Variants in PITPNC1 observed in about 807,000 individuals in gnomAD.
PITPNC1 encodes the protein cytoplasmic phosphatidylinositol transfer protein 1.
Under a neutral mutation model 44.7 loss-of-function variants are expected in PITPNC1, and 18 were observed. That is an observed-to-expected ratio of 0.40 (90% CI 0.28 to 0.60). The LOEUF is 0.60. Ranked by LOEUF, PITPNC1 falls within the 20% of genes least tolerant of loss-of-function variation. The pLI is 0.39. For missense variants in PITPNC1, 290 were observed against 418.4 expected (o/e 0.69, Z 2.68); for synonymous variants, 141 against 149.6 (o/e 0.94, Z 0.42).
At chr17:67,537,500 A>G (rs1315559231) in intron 2 of PITPNC1, among the ~76,000 whole-genome samples, 1 of 152,242 alleles carries the variant, frequency 6.6e-6, no homozygotes, top group Non-Finnish European at 1.5e-5. Flanking sequence ...TAAGATATAC[A>G]AAATCATTTT....
At chr17:67,561,027 T>G (rs996232548) in intron 4 of PITPNC1, among the ~76,000 whole-genome samples, 31 of 152,354 alleles carry the variant, frequency 2.0e-4, no homozygotes, top group African/African-American at 7.2e-4. Flanking sequence ...TTTACAAATG[T>G]CTGTGGAGTT....
At chr17:67,502,309 C>T (rs550970372) in intron 1 of PITPNC1, among the ~76,000 whole-genome samples, 1 of 151,104 alleles carries the variant, frequency 6.6e-6, no homozygotes, top group East Asian at 1.9e-4. Flanking sequence ...GGCCACTAGG[C>T]TGTTCTCAGC....
chr17:67,478,952 A>G (rs982091403), intron 1 of PITPNC1, among the ~76,000 whole-genome samples: 8 of 151,466 alleles, frequency 5.3e-5, no homozygotes, highest in Non-Finnish European at 1.2e-4. Context: ...TCTGTTGCCC[A>G]CAGCAACCTC....
chr17:67,468,921 G>A (rs528441274), intron 1 of PITPNC1, among the ~76,000 whole-genome samples: 1 of 152,120 alleles, frequency 6.6e-6, no homozygotes, highest in Non-Finnish European at 1.5e-5. Context: ...TAGAGACGAG[G>A]TTTCGCCATG....
At chr17:67,422,350 C>T (rs921418092) in intron 1 of PITPNC1, among the ~76,000 whole-genome samples, 6 of 152,060 alleles carry the variant, frequency 3.9e-5, no homozygotes, top group Admixed American at 3.3e-4. Flanking sequence ...CTTATTAGGC[C>T]GTGGACAAGT....
chr17:67,580,785 A>C (rs1249890204), intron 5 of PITPNC1, among the ~76,000 whole-genome samples: 1 of 152,158 alleles, frequency 6.6e-6, no homozygotes, highest in Non-Finnish European at 1.5e-5. Flanking sequence ...GCTATGGCTC[A>C]CACCTATAAT....
At chr17:67,436,882 A>G (rs1345700351) in intron 1 of PITPNC1, among the ~76,000 whole-genome samples, 1 of 142,128 alleles carries the variant, frequency 7.0e-6, no homozygotes, top group Non-Finnish European at 1.5e-5. Flanking sequence ...GAACCTCAGA[A>G]TCTGATTGTA....
At chr17:67,669,312 C>A (rs1462922996) in intron 6 of PITPNC1, among the ~76,000 whole-genome samples, 196 bp from the exon 7 acceptor site, 1 of 152,160 alleles carries the variant, frequency 6.6e-6, no homozygotes, top group Non-Finnish European at 1.5e-5. Flanking sequence ...GATGGGGTTT[C>A]TCCATGTTGG....
At chr17:67,616,641 C>G (rs750556209) in intron 5 of PITPNC1, among the ~76,000 whole-genome samples, 1 of 152,098 alleles carries the variant, frequency 6.6e-6, no homozygotes, top group Non-Finnish European at 1.5e-5. Context: ...GGTTCTCAAC[C>G]CTTTTGTTGA....
At chr17:67,455,992 G>A (rs1272420659) in intron 1 of PITPNC1, among the ~76,000 whole-genome samples, 2 of 151,990 alleles carry the variant, frequency 1.3e-5, no homozygotes, top group African/African-American at 4.8e-5. Flanking sequence ...AGATTAAATC[G>A]GTGTTAACAT....
intron 5 of PITPNC1, among the ~76,000 whole-genome samples, chr17:67,627,059 G>A (rs1247349386): frequency 1.3e-5 from 2 of 149,686 alleles, no homozygotes; most frequent in African/African-American, 4.9e-5. Context: ...AGACCACCCT[G>A]GCCAATATGG....
chr17:67,637,380 G>T, intron 6 of PITPNC1, among the ~76,000 whole-genome samples: 1 of 151,802 alleles, frequency 6.6e-6, no homozygotes, highest in Non-Finnish European at 1.5e-5. Context: ...AAATAGAAAC[G>T]CTCTTTATGT....
At chr17:67,406,367 C>G (rs7218300) in intron 1 of PITPNC1, among the ~76,000 whole-genome samples, 1,621 of 152,218 alleles carry the variant, frequency 0.011, 31 homozygotes, top group African/African-American at 0.038. Context: ...GGTCACTCCC[C>G]ATTTCCCTGT....
At chr17:67,557,739 CAG>C (rs2040857994) in intron 4 of PITPNC1, among the ~76,000 whole-genome samples, 1 of 152,236 alleles carries the variant, frequency 6.6e-6, no homozygotes, top group African/African-American at 2.4e-5. Flanking sequence ...ACTCTGACTA[CAG>C]AGTCTGCACC....
In PITPNC1 at chr17:67,564,161, G is replaced by GTGGATGGA. The variant is rs113903369; in HGVS notation, c.294+10579_294+10586dup. ...AAGATAGATTAGATAGGTAGATTGG[G>GTGGATGGA]TGGATGGATGGATGGATGGATGGAT... is the stretch of plus-strand genomic sequence containing the variant. On this transcript the variant is annotated intron_variant, in intron 4 of 8. Coordinates refer to ENST00000581322, the MANE Select transcript of PITPNC1 (RefSeq NM_012417.4). 1.8e-3 allele frequency among the ~76,000 whole-genome samples: 261 copies of GTGGATGGA among 148,556 alleles called. 1 individual carries two copies. Among genetic ancestry groups the GTGGATGGA allele is most frequent in the South Asian group, 5.7e-3 (26 of 4,588 alleles).
intron 6 of PITPNC1, among the ~76,000 whole-genome samples, chr17:67,665,613 C>T (rs11655852): frequency 2.2e-3 from 342 of 152,316 alleles, no homozygotes; most frequent in Non-Finnish European, 3.7e-3. Flanking sequence ...TAGAATTTAA[C>T]TAGTCTTTCA....
chr17:67,438,595 C>T (rs774459693), intron 1 of PITPNC1, among the ~76,000 whole-genome samples: 4 of 152,164 alleles, frequency 2.6e-5, no homozygotes, highest in Admixed American at 6.5e-5. Context: ...GGATTACAGG[C>T]GTGAGCCACC....
intron 1 of PITPNC1, among the ~76,000 whole-genome samples, chr17:67,519,714 G>A (rs972131960): frequency 3.3e-5 from 5 of 152,122 alleles, no homozygotes; most frequent in Non-Finnish European, 7.4e-5. Context: ...TGCCATCCAT[G>A]CCTCTGGAAC....
intron 1 of PITPNC1, among the ~76,000 whole-genome samples, chr17:67,485,760 A>C (rs536492414): frequency 6.6e-6 from 1 of 152,278 alleles, no homozygotes; most frequent in East Asian, 1.9e-4. Flanking sequence ...GACTCTTAAG[A>C]TGTCAAGAGG....
Sources: gnomAD v4.1 joint callset for allele counts (sites outside exome capture counted in the v4.1 genomes callset) on GRCh38, gnomAD v4.1.1 for gene constraint, MANE v1.5 for transcripts, NCBI Gene and HGNC (gene_info 2026-07-23, HGNC 2026-07-21) for gene names.